Variants in OXR1 observed in about 807,000 individuals in gnomAD.
OXR1 encodes the protein oxidation resistance 1, also known as oxidation resistance protein 1.
OXR1 carries 41 observed loss-of-function variants against 104.6 expected under a neutral mutation model. The observed-to-expected ratio is 0.39, with a 90% CI of 0.31 to 0.51. The LOEUF (loss-of-function observed/expected upper bound fraction) is 0.51, where lower values mean the gene tolerates loss of function less well. OXR1 is among the 20% of genes least tolerant of loss of function. The pLI is 0.77. For synonymous variants in OXR1, 348 were observed against 348.4 expected (o/e 1.00, Z 0.01); for missense variants, 955 against 1,031.9 (o/e 0.93, Z 1.02).
intron 16 of OXR1, among the ~76,000 whole-genome samples, chr8:106,749,354 A>G (rs1835684370): frequency 6.6e-6 from 1 of 151,966 alleles, no homozygotes; most frequent in African/African-American, 2.4e-5. Context: ...AAAAAAAAAA[A>G]AAAAATAGGT....
At chr8:106,511,791 G>A (rs1037825847) in intron 2 of OXR1, among the ~76,000 whole-genome samples, 1 of 152,204 alleles carries the variant, frequency 6.6e-6, no homozygotes, top group Admixed American at 6.5e-5. Context: ...AAGAGCTGAA[G>A]TTTATCTATT....
At position 106,713,862 on chromosome 8, in the gene OXR1, A is replaced by G; in HGVS notation, c.1833A>G (p.Pro611=). 1 of 1,582,046 alleles carries G rather than the reference A, an allele frequency of 6.3e-7. No individual in the cohort carries two copies. The highest frequency in any genetic ancestry group is 8.5e-7 in the Non-Finnish European group (1 of 1,170,412). ...HLYAFFIQWS[P]EIYAEDTGEY... ...ATGCCTTCTTCATTCAGTGGAGTCCAGAAATATATGCAGAAGATACTGGCG... is the reference window on the plus strand; with the variant it reads ...ATGCCTTCTTCATTCAGTGGAGTCCGGAAATATATGCAGAAGATACTGGCG... The change falls in exon 11 of 17, where the codon CCA becomes CCG. Residue 611 remains proline (P), a synonymous_variant. Transcript: ENST00000517566.
At chr8:106,498,404 T>C (rs900004781) in intron 2 of OXR1, among the ~76,000 whole-genome samples, 8 of 152,212 alleles carry the variant, frequency 5.3e-5, no homozygotes, top group Non-Finnish European at 8.8e-5. Context: ...GAGGGAAATA[T>C]TATATGTGAT....
intron 3 of OXR1, among the ~76,000 whole-genome samples, chr8:106,674,907 A>G (rs1000080095): frequency 2.0e-5 from 3 of 152,168 alleles, no homozygotes; most frequent in Non-Finnish European, 4.4e-5. Context: ...TGGAACTGTC[A>G]GTCAATTAAA....
At chr8:106,463,126 G>T (rs1171666218) in intron 2 of OXR1, among the ~76,000 whole-genome samples, 2 of 152,048 alleles carry the variant, frequency 1.3e-5, no homozygotes, top group African/African-American at 4.8e-5. Flanking sequence ...ACACTTTGGA[G>T]AAACAGAACA....
chr8:106,726,214 T>G, intron 11 of OXR1: 5 of 1,514,144 alleles, frequency 3.3e-6, no homozygotes, highest in Non-Finnish European at 3.5e-6. Context: ...TTACGTGATT[T>G]TATGTAACTT....
At chr8:106,322,302 T>C (rs979736361) in intron 1 of OXR1, among the ~76,000 whole-genome samples, 1 of 152,128 alleles carries the variant, frequency 6.6e-6, no homozygotes, top group African/African-American at 2.4e-5. Context: ...AAAAACCACA[T>C]GATTATCTCA....
At chr8:106,376,361 C>T (rs1402345147) in intron 2 of OXR1, among the ~76,000 whole-genome samples, 2 of 152,094 alleles carry the variant, frequency 1.3e-5, no homozygotes, top group East Asian at 1.9e-4. Context: ...TAAATTATTA[C>T]CTGACATTGA....
chr8:106,520,817 T>G (rs1813200869), intron 3 of OXR1, among the ~76,000 whole-genome samples: 1 of 152,230 alleles, frequency 6.6e-6, no homozygotes, highest in African/African-American at 2.4e-5. Flanking sequence ...TATTTTTTCC[T>G]TCAGCAAATA....
chr8:106,324,678 G>C (rs1814388885), intron 1 of OXR1, among the ~76,000 whole-genome samples: 1 of 151,838 alleles, frequency 6.6e-6, no homozygotes, highest in Non-Finnish European at 1.5e-5. Context: ...ACCACCCACT[G>C]CTGCGGATGC....
intron 1 of OXR1, among the ~76,000 whole-genome samples, chr8:106,277,187 A>G (rs1812083383): frequency 6.6e-6 from 1 of 152,230 alleles, no homozygotes; most frequent in Admixed American, 6.5e-5. Context: ...AAGAGTTAAA[A>G]TTGGAAACCA....
At position 106,540,904 on chromosome 8, in the gene OXR1, G is replaced by A. The variant is rs1586781945; in HGVS notation, c.220+21765G>A. On this transcript the variant is annotated intron_variant, in intron 3 of 16. Coordinates refer to ENST00000517566, the MANE Select transcript of OXR1 (RefSeq NM_001198533.2). ...CCATAATTCAATCACCTCCCACCAAGTTCTTTCCATGACACAGTGGGAATT... is the reference window on the plus strand; with the variant it reads ...CCATAATTCAATCACCTCCCACCAAATTCTTTCCATGACACAGTGGGAATT... Among the ~76,000 whole-genome samples the A allele has an allele frequency of 2.0e-5, 3 of 152,274 alleles. No homozygotes were observed. The South Asian group carries it at 6.2e-4, about 32-fold the overall frequency.
intron 2 of OXR1, among the ~76,000 whole-genome samples, chr8:106,514,639 A>T: frequency 6.6e-6 from 1 of 152,128 alleles, no homozygotes; most frequent in East Asian, 1.9e-4. Context: ...GGGCAATGAG[A>T]TGCTTATATA....
intron 1 of OXR1, among the ~76,000 whole-genome samples, chr8:106,355,576 A>G (rs1385721917): frequency 6.6e-6 from 1 of 152,176 alleles, no homozygotes; most frequent in African/African-American, 2.4e-5. Context: ...AAGTTATAAA[A>G]GAAAAGGAAA....
chr8:106,392,758 T>A (rs1817634698), intron 2 of OXR1, among the ~76,000 whole-genome samples: 15 of 152,118 alleles, frequency 9.9e-5, no homozygotes. Flanking sequence ...CAATAATATC[T>A]AAAAGACAGG....
intron 2 of OXR1, among the ~76,000 whole-genome samples, chr8:106,396,380 G>C (rs1236818961): frequency 6.6e-6 from 1 of 152,016 alleles, no homozygotes; most frequent in African/African-American, 2.4e-5. Context: ...CCCCCTGATA[G>C]GATGTGCGGA....
intron 3 of OXR1, among the ~76,000 whole-genome samples, chr8:106,587,113 A>G (rs1023036287): frequency 2.0e-5 from 3 of 152,116 alleles, no homozygotes; most frequent in Non-Finnish European, 4.4e-5. Context: ...AAATTTGATG[A>G]TATAGAGGAG....
intron 1 of OXR1, among the ~76,000 whole-genome samples, chr8:106,330,449 A>C (rs1425777132): frequency 6.6e-6 from 1 of 152,070 alleles, no homozygotes; most frequent in African/African-American, 2.4e-5. Context: ...TGTCCCAGAG[A>C]CTTCATGAAA....
chr8:106,475,434 G>T (rs1563546893), intron 2 of OXR1, among the ~76,000 whole-genome samples: 1 of 151,932 alleles, frequency 6.6e-6, no homozygotes, highest in Non-Finnish European at 1.5e-5. Flanking sequence ...AAGAGGTGGG[G>T]TTGGTTTTAC....
Sources: gnomAD v4.1 joint callset for allele counts (sites outside exome capture counted in the v4.1 genomes callset) on GRCh38, gnomAD v4.1.1 for gene constraint, MANE v1.5 for transcripts, NCBI Gene and HGNC (gene_info 2026-07-23, HGNC 2026-07-21) for gene names.